LRRC4C: variants seen among roughly 807,000 people sequenced by gnomAD.
LRRC4C encodes the protein leucine rich repeat containing 4C, also known as leucine-rich repeat-containing protein 4C.
LRRC4C carries 5 observed loss-of-function variants against 33.6 expected under a neutral mutation model. The observed-to-expected ratio is 0.15, with a 90% confidence interval of 0.08 to 0.31. The LOEUF (loss-of-function observed/expected upper bound fraction) is 0.31. Ranked by LOEUF, LRRC4C falls within the 10% of genes least tolerant of loss-of-function variation. The pLI is 1.00. For missense variants in LRRC4C, 560 were observed against 796.7 expected, an observed-to-expected ratio of 0.70 and a Z score of 3.58; for synonymous variants, 329 against 302.0, an observed-to-expected ratio of 1.09 and a Z score of -0.93.
chr11:41,308,520 A>G lies in LRRC4C; in HGVS notation c.-496+150911T>C, dbSNP rs547385590. On this transcript the variant is annotated intron_variant, in intron 1 of 6. Transcript: ENST00000528697. ...GGACAGGGGCATCAAAAGCCTATCT[A>G]CAGTCAACAAAACAAAGCACATTCT... Among the ~76,000 whole-genome samples, 4 of 152,306 alleles carry G rather than the reference A, an allele frequency of 2.6e-5. No homozygotes were observed. The East Asian group carries it at 7.7e-4, about 29-fold the overall frequency.
At chr11:40,820,165 G>C (rs962987095) in intron 2 of LRRC4C, among the ~76,000 whole-genome samples, 2 of 152,000 alleles carry the variant, frequency 1.3e-5, no homozygotes, top group Non-Finnish European at 2.9e-5. Context: ...TAGAAAAATA[G>C]TCAATAGAAA....
intron 2 of LRRC4C, among the ~76,000 whole-genome samples, chr11:40,869,982 T>C (rs905229366): frequency 6.6e-5 from 10 of 152,124 alleles, no homozygotes; most frequent in Non-Finnish European, 1.5e-4. Context: ...TGCAGACCTA[T>C]ACAGATTTGC....
chr11:40,704,343 A>G (rs547072401), intron 2 of LRRC4C, among the ~76,000 whole-genome samples: 1 of 152,258 alleles, frequency 6.6e-6, no homozygotes, highest in East Asian at 1.9e-4. Flanking sequence ...GAGGTGTTCA[A>G]TGAGAGACCT....
At chr11:41,095,720 T>C (rs1844439535) in intron 1 of LRRC4C, among the ~76,000 whole-genome samples, 1 of 152,216 alleles carries the variant, frequency 6.6e-6, no homozygotes, top group Admixed American at 6.5e-5. Flanking sequence ...GTCTCTTTAA[T>C]TCAGGAATTT....
chr11:40,519,809 G>C (rs922661188), intron 3 of LRRC4C, among the ~76,000 whole-genome samples: 1 of 152,126 alleles, frequency 6.6e-6, no homozygotes, highest in Non-Finnish European at 1.5e-5. Context: ...AGATTACTTC[G>C]AAAACATAAA....
intron 1 of LRRC4C, among the ~76,000 whole-genome samples, chr11:41,070,057 T>C (rs1016417943): frequency 1.3e-5 from 2 of 152,050 alleles, no homozygotes; most frequent in African/African-American, 4.8e-5. Flanking sequence ...ATGGTACTGG[T>C]ACAAAAACAA....
chr11:40,280,151 A>G (rs369305108), intron 4 of LRRC4C, among the ~76,000 whole-genome samples: 126 of 152,284 alleles, frequency 8.3e-4, no homozygotes, highest in Non-Finnish European at 1.6e-3. Context: ...TTTCCTCTCA[A>G]TAAACACCTA....
In LRRC4C at chr11:41,003,096, T is replaced by C. The variant is rs558187524; in HGVS notation, c.-495-69373A>G. Among the ~76,000 whole-genome samples the C allele has an allele frequency of 6.6e-5, 10 of 152,254 alleles. No homozygotes were observed. The South Asian group carries it at 2.1e-3, about 32-fold the overall frequency. On this transcript the variant is annotated intron_variant, in intron 1 of 6. Transcript: ENST00000528697. ...ATAAAACAAAACAATATGCAAAAGA[T>C]GATTATTTTGCCAATGAAGTTGTAA...
Position 40,289,343 on chromosome 11 carries a change from A to G in LRRC4C, c.-176+30285T>C, listed in dbSNP as rs1298545956. On this transcript the variant is annotated intron_variant, in intron 4 of 6. Coordinates refer to ENST00000528697, the MANE Select transcript of LRRC4C (RefSeq NM_001258419.2). ...TTTTAAGTCATAAAACAATTCAAAA[A>G]TTACATATTATAATTCCCACCTCAT... 5.3e-5 allele frequency among the ~76,000 whole-genome samples: 8 copies of G among 152,342 alleles called. No individual in the cohort carries two copies. The East Asian group carries it at 1.5e-3, about 29-fold the overall frequency.
intron 5 of LRRC4C, among the ~76,000 whole-genome samples, chr11:40,168,747 G>T (rs756178985): frequency 2.0e-5 from 3 of 152,210 alleles, no homozygotes; most frequent in Non-Finnish European, 4.4e-5. Context: ...AGAAATCTGG[G>T]CTGGCAGAGG....
At chr11:41,391,654 A>AC (rs910203926) in intron 1 of LRRC4C, among the ~76,000 whole-genome samples, 4 of 151,786 alleles carry the variant, frequency 2.6e-5, no homozygotes, top group African/African-American at 9.7e-5. Context: ...TTTATTGATG[A>AC]CCCCCTAAAA....
intron 2 of LRRC4C, among the ~76,000 whole-genome samples, chr11:40,705,969 T>A (rs1396712815): frequency 6.6e-6 from 1 of 152,216 alleles, no homozygotes; most frequent in African/African-American, 2.4e-5. Flanking sequence ...ATGATGAGCA[T>A]TTTTTCCTGT....
intron 3 of LRRC4C, among the ~76,000 whole-genome samples, chr11:40,480,520 T>C (rs1953497855): frequency 6.6e-6 from 1 of 151,956 alleles, no homozygotes; most frequent in Non-Finnish European, 1.5e-5. Context: ...ACCTGTCAGG[T>C]ACTATGCTTA....
rs192336703 is a variant in LRRC4C, at chr11:41,374,112, G to C, written c.-496+85319C>G. Among the ~76,000 whole-genome samples, 432 of 152,186 alleles carry C rather than the reference G, an allele frequency of 2.8e-3. 2 individuals are homozygous for C. Among genetic ancestry groups the C allele is most frequent in the Non-Finnish European group, 5.0e-3 (341 of 67,996 alleles). On this transcript the variant is annotated intron_variant, in intron 1 of 6. Coordinates refer to ENST00000528697, the MANE Select transcript of LRRC4C (RefSeq NM_001258419.2). ...CTTGATGACTTCCCCCAAACTTCTA[G>C]ACTTGGGACACAAACTGCCTTGAAC...
chr11:41,171,453 G>T (rs1944972563), intron 1 of LRRC4C, among the ~76,000 whole-genome samples: 1 of 152,014 alleles, frequency 6.6e-6, no homozygotes, highest in African/African-American at 2.4e-5. Context: ...CCTTTGTAGG[G>T]ACATGGATGA....
At chr11:40,890,390 T>C (rs546832335) in intron 2 of LRRC4C, among the ~76,000 whole-genome samples, 2 of 152,042 alleles carry the variant, frequency 1.3e-5, no homozygotes, top group Non-Finnish European at 2.9e-5. Context: ...ATGACAAAAC[T>C]CTGTCATGAT....
At chr11:40,963,533 T>A (rs1005308391) in intron 1 of LRRC4C, among the ~76,000 whole-genome samples, 2 of 151,762 alleles carry the variant, frequency 1.3e-5, no homozygotes, top group African/African-American at 4.8e-5. Context: ...TTCCCCTGAC[T>A]GCCTTACAAT....
At chr11:40,534,916 T>C (rs1956410758) in intron 3 of LRRC4C, among the ~76,000 whole-genome samples, 1 of 152,180 alleles carries the variant, frequency 6.6e-6, no homozygotes, top group South Asian at 2.1e-4. Context: ...GGAGAAAGCA[T>C]GATCTCAGAG....
chr11:41,005,500 A>C (rs1013662532), intron 1 of LRRC4C, among the ~76,000 whole-genome samples: 34 of 152,162 alleles, frequency 2.2e-4, no homozygotes, highest in African/African-American at 8.0e-4. Flanking sequence ...GCTGCTCGGG[A>C]GGCTGAGGCA....
Sources: allele counts gnomAD v4.1 joint callset (sites outside exome capture counted in the v4.1 genomes callset), GRCh38; gene constraint gnomAD v4.1.1; transcripts MANE v1.5; gene names NCBI Gene and HGNC (gene_info 2026-07-23, HGNC 2026-07-21).